SESN1: variants seen among roughly 807,000 people sequenced by gnomAD.
SESN1 encodes sestrin 1, also known as sestrin-1.
In SESN1, 30 loss-of-function variants were observed where a neutral mutation model predicts 59.3. The ratio of observed to expected loss-of-function variants is 0.51; its 90% confidence interval spans 0.38 to 0.69. The LOEUF is 0.69. SESN1 is among the 30% of genes least tolerant of loss of function. SESN1 has a pLI of 0.00. For synonymous variants in SESN1, 197 were observed against 219.9 expected (o/e 0.90, Z 0.92); for missense variants, 566 against 673.0 (o/e 0.84, Z 1.76).
intron 1 of SESN1, among the ~76,000 whole-genome samples, chr6:109,055,072 G>A (rs973977325): frequency 6.6e-6 from 1 of 152,168 alleles, no homozygotes; most frequent in Admixed American, 6.5e-5. Flanking sequence ...TTTGAGGCAT[G>A]ACATCTGCTC....
intron 1 of SESN1, among the ~76,000 whole-genome samples, chr6:109,023,610 T>C (rs1780043373): frequency 6.6e-6 from 1 of 152,198 alleles, no homozygotes; most frequent in Non-Finnish European, 1.5e-5. Context: ...TTTGGGGACA[T>C]ATGTTTATCT....
intron 1 of SESN1, among the ~76,000 whole-genome samples, chr6:109,031,195 T>C (rs1305829533): frequency 6.6e-6 from 1 of 152,094 alleles, no homozygotes; most frequent in Non-Finnish European, 1.5e-5. Context: ...TGGCAGGAGA[T>C]GAGTGAGTTA....
intron 1 of SESN1, among the ~76,000 whole-genome samples, chr6:109,023,316 C>T (rs1780039697): frequency 6.6e-6 from 1 of 152,158 alleles, no homozygotes; most frequent in Non-Finnish European, 1.5e-5. Context: ...TCATAACTTC[C>T]TTCAAAAGTC....
intron 1 of SESN1, among the ~76,000 whole-genome samples, chr6:109,017,151 C>T (rs1176942477): frequency 6.6e-6 from 1 of 152,084 alleles, no homozygotes; most frequent in African/African-American, 2.4e-5. Context: ...GTTCCCACAG[C>T]TTTTTCTCTT....
At chr6:109,007,419 A>G (rs1779754459) in intron 1 of SESN1, among the ~76,000 whole-genome samples, 1 of 152,208 alleles carries the variant, frequency 6.6e-6, no homozygotes, top group Non-Finnish European at 1.5e-5. Context: ...AAATTAGTTG[A>G]GAAGTAAAAA....
intron 9 of SESN1, chr6:108,988,222 A>G (rs888083324): frequency 8.7e-5 from 17 of 194,298 alleles, no homozygotes; most frequent in African/African-American, 3.9e-4. Context: ...ATCATTATTC[A>G]GTAATTTCTA....
chr6:109,073,110 T>G (rs1297954358), intron 1 of SESN1, among the ~76,000 whole-genome samples: 1 of 152,200 alleles, frequency 6.6e-6, no homozygotes, highest in Non-Finnish European at 1.5e-5. Flanking sequence ...TGCTCTGCCA[T>G]CTGCACTAGC....
chr6:109,030,124 G>C (rs1780159812), intron 1 of SESN1, among the ~76,000 whole-genome samples: 2 of 152,122 alleles, frequency 1.3e-5, no homozygotes, highest in Admixed American at 1.3e-4. Flanking sequence ...TGCTTCCTCT[G>C]ATTCTCCACT....
At chr6:109,063,314 G>A (rs770435164) in intron 1 of SESN1, among the ~76,000 whole-genome samples, 4 of 152,104 alleles carry the variant, frequency 2.6e-5, no homozygotes, top group Non-Finnish European at 5.9e-5. Flanking sequence ...GGGAGCACAC[G>A]AGAAAAGAGA....
At chr6:109,032,049 CA>C (rs1780187598) in intron 1 of SESN1, among the ~76,000 whole-genome samples, 1 of 152,112 alleles carries the variant, frequency 6.6e-6, no homozygotes, top group Non-Finnish European at 1.5e-5. Flanking sequence ...TTCCGCGGAT[CA>C]CCTGAGGTCG....
intron 1 of SESN1, among the ~76,000 whole-genome samples, chr6:109,031,889 T>TAA (rs773692141): frequency 2.0e-5 from 3 of 152,156 alleles, no homozygotes; most frequent in Non-Finnish European, 4.4e-5. Context: ...TGCATATATA[T>TAA]AATGAAATAT....
At chr6:109,070,275 T>C (rs1289088485) in intron 1 of SESN1, among the ~76,000 whole-genome samples, 1 of 152,202 alleles carries the variant, frequency 6.6e-6, no homozygotes, top group African/African-American at 2.4e-5. Flanking sequence ...GACTAGGGCA[T>C]GTGCCCACCC....
intron 1 of SESN1, among the ~76,000 whole-genome samples, chr6:109,005,528 A>G (rs1274380704): frequency 1.3e-5 from 2 of 152,220 alleles, no homozygotes; most frequent in Admixed American, 1.3e-4. Context: ...TCTACCAAAT[A>G]TATAGTTTAT....
chr6:109,047,057 C>T (rs1583285930), intron 1 of SESN1, among the ~76,000 whole-genome samples: 1 of 1,694 alleles, frequency 5.9e-4, no homozygotes, highest in Non-Finnish European at 1.1e-3. Flanking sequence ...GTCAGCCCTC[C>T]ACCCGGCCAG....
At position 108,985,666 on chromosome 6, in the gene SESN1, T is replaced by TC. The variant is rs1264592877; in HGVS notation, c.*1877dup. Among the ~76,000 whole-genome samples the TC allele has an allele frequency of 6.6e-6, 1 of 152,224 alleles. No homozygotes were observed. On this transcript the variant is annotated 3_prime_UTR_variant, in exon 10 of 10. Coordinates refer to ENST00000436639, the MANE Select transcript of SESN1 (RefSeq NM_014454.3). Reference sequence around the variant, plus strand: ...CATTCTAGTTGATCTTGTTTTGTGATCACTCTACTGCTGATTAGAATCTCT... The same window carrying TC: ...CATTCTAGTTGATCTTGTTTTGTGATCCACTCTACTGCTGATTAGAATCTCT...
chr6:108,989,126 C>T lies in SESN1; in HGVS notation c.1425-439G>A, dbSNP rs560162421. 1.2e-3 allele frequency among the ~76,000 whole-genome samples: 186 copies of T among 152,156 alleles called. 1 individual carries two copies. The highest frequency in any genetic ancestry group is 4.0e-3 in the African/African-American group (167 of 41,520). Reference sequence around the variant, plus strand: ...CAAGCGATTCTCTCACCTCAGCCTCCCGAGAAGCTAGGATTACAGGTGTGT... The same window carrying T: ...CAAGCGATTCTCTCACCTCAGCCTCTCGAGAAGCTAGGATTACAGGTGTGT... On this transcript the variant is annotated intron_variant, in intron 8 of 9. Coordinates refer to ENST00000436639, the MANE Select transcript of SESN1 (RefSeq NM_014454.3).
chr6:109,010,098 C>A (rs112724968), intron 1 of SESN1, among the ~76,000 whole-genome samples: 119 of 152,304 alleles, frequency 7.8e-4, no homozygotes, highest in African/African-American at 2.8e-3. Flanking sequence ...TATCACTCCC[C>A]TACACAGATA....
chr6:109,071,353 C>CTT (rs78641650), intron 1 of SESN1, among the ~76,000 whole-genome samples: 7 of 136,638 alleles, frequency 5.1e-5, no homozygotes, highest in African/African-American at 1.3e-4. Context: ...GTTTTTGTTT[C>CTT]TTTTTTTTTT....
intron 1 of SESN1, among the ~76,000 whole-genome samples, chr6:109,024,947 T>G (rs536955603): frequency 6.6e-6 from 1 of 152,218 alleles, no homozygotes; most frequent in Non-Finnish European, 1.5e-5. Context: ...ACTGGCAAAG[T>G]AACAGAAATC....
Sources: allele counts gnomAD v4.1 joint callset (sites outside exome capture counted in the v4.1 genomes callset), GRCh38; gene constraint gnomAD v4.1.1; transcripts MANE v1.5; gene names NCBI Gene and HGNC (gene_info 2026-07-23, HGNC 2026-07-21).